Variants in RGS6 observed in about 807,000 individuals in gnomAD.
RGS6 encodes the protein regulator of G protein signaling 6, also known as regulator of G-protein signaling 6.
RGS6 carries 30 observed loss-of-function variants against 78.5 expected under a neutral mutation model. The ratio of observed to expected loss-of-function variants is 0.38; its 90% CI spans 0.29 to 0.52. The LOEUF (loss-of-function observed/expected upper bound fraction) is 0.52. Ranked by LOEUF, RGS6 falls within the 20% of genes least tolerant of loss-of-function variation. The pLI is 0.85. For synonymous variants in RGS6, 206 were observed against 206.0 expected (o/e 1.00, Z 0.00); for missense variants, 495 against 609.7 (o/e 0.81, Z 1.98).
chr14:72,320,197 C>A (rs1204829427), intron 2 of RGS6, among the ~76,000 whole-genome samples: 1 of 152,188 alleles, frequency 6.6e-6, no homozygotes, highest in African/African-American at 2.4e-5. Context: ...TTATGCACAG[C>A]CAAACTGTCA....
chr14:72,466,892 C>T (rs532088599), intron 7 of RGS6, among the ~76,000 whole-genome samples: 1 of 152,296 alleles, frequency 6.6e-6, no homozygotes, highest in African/African-American at 2.4e-5. Flanking sequence ...CCTTTATACC[C>T]ACTCTCCTGT....
intron 2 of RGS6, among the ~76,000 whole-genome samples, chr14:72,326,937 G>A (rs7146177): frequency 0.15 from 23,012 of 152,048 alleles, 1,695 homozygotes; most frequent in Admixed American, 0.17. Flanking sequence ...TCAATCTCCT[G>A]ACCTCGTGAT....
intron 2 of RGS6, among the ~76,000 whole-genome samples, chr14:72,291,215 A>G (rs1438465252): frequency 6.6e-6 from 1 of 151,754 alleles, no homozygotes; most frequent in African/African-American, 2.4e-5. Flanking sequence ...CTCCATCCCC[A>G]TCTGCTTCCG....
chr14:72,058,356 T>C (rs1379908684), intron 2 of RGS6, among the ~76,000 whole-genome samples: 1 of 152,216 alleles, frequency 6.6e-6, no homozygotes, highest in East Asian at 1.9e-4. Flanking sequence ...TTAAGACAGC[T>C]GGTTAGAGTT....
the RGS6 span, among the ~76,000 whole-genome samples, chr14:71,872,995 T>G: frequency 6.6e-6 from 1 of 152,232 alleles, no homozygotes; most frequent in Non-Finnish European, 1.5e-5. Flanking sequence ...GGCTGCATAG[T>G]ATTCCATGGT....
intron 3 of RGS6, among the ~76,000 whole-genome samples, chr14:72,433,793 C>G (rs1038598939): frequency 7.2e-5 from 11 of 152,300 alleles, no homozygotes; most frequent in African/African-American, 2.6e-4. Context: ...GGGCAAGTCA[C>G]CTAACCTCTC....
At chr14:72,020,050 C>T (rs912992641) in intron 2 of RGS6, among the ~76,000 whole-genome samples, 3 of 152,176 alleles carry the variant, frequency 2.0e-5, no homozygotes, top group East Asian at 1.9e-4. Flanking sequence ...CTGCAAAGAC[C>T]GATGTCACCA....
At chr14:72,236,055 C>A (rs1040102752) in intron 2 of RGS6, among the ~76,000 whole-genome samples, 7 of 152,192 alleles carry the variant, frequency 4.6e-5, no homozygotes, top group Non-Finnish European at 1.0e-4. Context: ...TGTATTCTTA[C>A]AGCAGCTGTG....
chr14:72,230,899 C>T lies in RGS6; in HGVS notation c.85-121196C>T, dbSNP rs373677543. Among the ~76,000 whole-genome samples the T allele has an allele frequency of 3.9e-5, 6 of 152,224 alleles. No individual in the cohort carries two copies. In the South Asian group the frequency reaches 8.3e-4, roughly 21 times the overall value. On this transcript the variant is annotated intron_variant, in intron 2 of 17. Transcript: ENST00000553525. The stretch of plus-strand genomic sequence containing the variant: ...AGTGTTTGGTGGGATAACTGGGTAC[C>T]GTAGCCTTGCCAAGTTAACACATAC...
chr14:72,406,023 G>A (rs1290270121), intron 3 of RGS6, among the ~76,000 whole-genome samples: 3 of 152,198 alleles, frequency 2.0e-5, no homozygotes, highest in Non-Finnish European at 2.9e-5. Context: ...ATAAATGGGA[G>A]AGGGTGAAGG....
intron 2 of RGS6, among the ~76,000 whole-genome samples, chr14:72,040,739 T>C (rs979611810): frequency 6.6e-6 from 1 of 152,174 alleles, no homozygotes; most frequent in Non-Finnish European, 1.5e-5. Flanking sequence ...TGTATATTGA[T>C]CTGCTCAATG....
chr14:72,002,937 T>G (rs1452173426), intron 2 of RGS6, among the ~76,000 whole-genome samples: 1 of 152,208 alleles, frequency 6.6e-6, no homozygotes, highest in Non-Finnish European at 1.5e-5. Context: ...GCCAATATCT[T>G]CGCTCTCAGT....
chr14:71,945,728 A>T (rs968034017), intron 1 of RGS6, among the ~76,000 whole-genome samples: 1 of 152,188 alleles, frequency 6.6e-6, no homozygotes, highest in Non-Finnish European at 1.5e-5. Flanking sequence ...TTGGGGTTGC[A>T]TTAGGGACAG....
At chr14:72,381,945 A>G (rs1401390334) in intron 3 of RGS6, among the ~76,000 whole-genome samples, 1 of 152,056 alleles carries the variant, frequency 6.6e-6, no homozygotes, top group African/African-American at 2.4e-5. Context: ...TTAGACTGGT[A>G]AGAACACTCA....
chr14:72,083,381 C>T lies in RGS6; in HGVS notation c.84+118506C>T, dbSNP rs146137389. Among the ~76,000 whole-genome samples the T allele has an allele frequency of 1.8e-4, 27 of 152,280 alleles. No homozygotes were observed. In the East Asian group the frequency reaches 2.5e-3, roughly 14 times the overall value. ...GAGGCCACAGACACTGCTAAGCCTT[C>T]TACAGTGCATGGGATGCTTCCCACA... On this transcript the variant is annotated intron_variant, in intron 2 of 17. Coordinates refer to ENST00000553525, the MANE Select transcript of RGS6 (RefSeq NM_001204424.2).
chr14:71,905,381 T>G, the RGS6 span, among the ~76,000 whole-genome samples: 1 of 152,228 alleles, frequency 6.6e-6, no homozygotes, highest in Non-Finnish European at 1.5e-5. Flanking sequence ...TTTGCAGCTA[T>G]AGTTTTTGAA....
intron 3 of RGS6, among the ~76,000 whole-genome samples, chr14:72,359,844 C>T (rs901851710): frequency 1.3e-5 from 2 of 152,196 alleles, no homozygotes; most frequent in South Asian, 2.1e-4. Flanking sequence ...TTTAGCAATG[C>T]TGAATTCATT....
chr14:72,338,941 A>G (rs142302303), intron 2 of RGS6, among the ~76,000 whole-genome samples: 1,862 of 152,378 alleles, frequency 0.012, 13 homozygotes, highest in Middle Eastern at 0.031. Context: ...TTTTGCCTGC[A>G]TGCTCACCTA....
At chr14:72,505,508 A>G (rs1404370626) in intron 13 of RGS6, among the ~76,000 whole-genome samples, 1 of 152,240 alleles carries the variant, frequency 6.6e-6, no homozygotes, top group Non-Finnish European at 1.5e-5. Flanking sequence ...TCAATGTATT[A>G]ATTTGGAGAG....
Sources: gnomAD v4.1 joint callset for allele counts (sites outside exome capture counted in the v4.1 genomes callset) on GRCh38, gnomAD v4.1.1 for gene constraint, MANE v1.5 for transcripts, NCBI Gene and HGNC (gene_info 2026-07-23, HGNC 2026-07-21) for gene names.